PHLDB2: variants seen among roughly 807,000 people sequenced by gnomAD.
PHLDB2 encodes the protein pleckstrin homology-like domain family B member 2.
In PHLDB2, 71 loss-of-function variants were observed where a neutral mutation model predicts 123.6. That is an observed-to-expected ratio of 0.57 (90% CI 0.47 to 0.70). The LOEUF is 0.70. Ranked by LOEUF, PHLDB2 falls within the 30% of genes least tolerant of loss-of-function variation. The pLI, the probability that PHLDB2 is intolerant of heterozygous loss-of-function variation, is 0.00. For missense variants in PHLDB2, 1,446 were observed against 1,519.5 expected (o/e 0.95, Z 0.80); for synonymous variants, 547 against 541.6 (o/e 1.01, Z -0.14).
At chr3:111,775,707 T>C (rs932558710) in intron 1 of PHLDB2, among the ~76,000 whole-genome samples, 1 of 152,214 alleles carries the variant, frequency 6.6e-6, no homozygotes. Context: ...GATAAAATTT[T>C]GGCTTAAAGT....
In PHLDB2 at chr3:111,966,686, C is replaced by T. The variant is rs144852755; in HGVS notation, c.3151C>T (p.Arg1051Trp). The T allele has an allele frequency of 2.0e-5, 32 of 1,612,704 alleles. No homozygotes were observed. In the African/African-American group the frequency reaches 2.8e-4, roughly 14 times the overall value. Reference protein sequence around the residue: ...LLKQAHAEKTRLLESREREME... With the variant: ...LLKQAHAEKTWLLESREREME... ...GAAGCAGGCTCATGCAGAAAAGACGCGGCTGCTCGAATCCAGGGTAAGCTT... is the reference window on the plus strand; with the variant it reads ...GAAGCAGGCTCATGCAGAAAAGACGTGGCTGCTCGAATCCAGGGTAAGCTT... The change falls in exon 14 of 18, where the codon CGG (arginine) becomes TGG (tryptophan). Residue 1051 changes from arginine (R) to tryptophan (W), a missense_variant. By Grantham distance (101) the Arg-to-Trp change is moderately radical (BLOSUM62 -3). This residue lies in a region of PHLDB2 where 594 missense variants were observed against 646.0 expected (regional missense o/e 0.92). Coordinates refer to ENST00000431670, the MANE Select transcript of PHLDB2 (RefSeq NM_001134438.2).
At chr3:111,944,744 G>A (rs1043519726) in intron 8 of PHLDB2, among the ~76,000 whole-genome samples, 1 of 152,032 alleles carries the variant, frequency 6.6e-6, no homozygotes, top group African/African-American at 2.4e-5. Context: ...GCAGTGGCGC[G>A]ATCTCGGCTC....
intron 1 of PHLDB2, among the ~76,000 whole-genome samples, chr3:111,817,432 A>G (rs1210853987): frequency 3.3e-5 from 5 of 152,236 alleles, no homozygotes; most frequent in African/African-American, 4.8e-5. Context: ...GGTATAAAGG[A>G]GAAAGAATAG....
At chr3:111,780,406 G>GA (rs1227402359) in intron 1 of PHLDB2, among the ~76,000 whole-genome samples, 2 of 132,502 alleles carry the variant, frequency 1.5e-5, no homozygotes, top group African/African-American at 5.8e-5. Flanking sequence ...AGAAGAAGAA[G>GA]AAGAAAAAGA....
intron 1 of PHLDB2, among the ~76,000 whole-genome samples, chr3:111,733,743 T>C (rs1941585531): frequency 6.6e-6 from 1 of 152,196 alleles, no homozygotes. Flanking sequence ...TCTAGAAATA[T>C]GTAATTTTTA....
chr3:111,868,569 T>C (rs1316749103), intron 1 of PHLDB2, among the ~76,000 whole-genome samples: 2 of 152,170 alleles, frequency 1.3e-5, no homozygotes, highest in Non-Finnish European at 2.9e-5. Context: ...TTCTCTTCCT[T>C]GTATTTTCTG....
chr3:111,916,357 G>A (rs1270111212), intron 3 of PHLDB2: 1 of 152,172 alleles, frequency 6.6e-6, no homozygotes, highest in Non-Finnish European at 1.5e-5. Context: ...CTTTCTGAAG[G>A]TGGACATATA....
rs1221033657 is a variant in PHLDB2, at chr3:111,884,113, T to C, written c.36T>C (p.Asp12=). Residue 12 remains aspartate (D), a synonymous_variant, in exon 2 of 18, where the codon GAT becomes GAC. Transcript: ENST00000431670. ...EEHSYIQKEL[D]LQNGSLEEDS... ...ATAGCTACATACAAAAGGAGCTAGATTTACAAAATGGTAGCTTAGAGGAAG... is the reference window on the plus strand; with the variant it reads ...ATAGCTACATACAAAAGGAGCTAGACTTACAAAATGGTAGCTTAGAGGAAG... 4 of 1,613,832 alleles carry C rather than the reference T, an allele frequency of 2.5e-6. No individual in the cohort carries two copies. Among genetic ancestry groups the C allele is most frequent in the Non-Finnish European group, 3.4e-6 (4 of 1,179,872 alleles).
chr3:111,941,671 G>A (rs10934127), intron 8 of PHLDB2, among the ~76,000 whole-genome samples: 45,923 of 151,936 alleles, frequency 0.3, 7,448 homozygotes, highest in Middle Eastern at 0.41. Flanking sequence ...AGCTGGGCAT[G>A]GTAGCACACA....
intron 1 of PHLDB2, among the ~76,000 whole-genome samples, chr3:111,742,305 TTA>T (rs967613904): frequency 6.6e-6 from 1 of 151,904 alleles, no homozygotes; most frequent in Non-Finnish European, 1.5e-5. Context: ...CATTGTTCTT[TTA>T]TATATATATA....
At chr3:111,819,381 G>C (rs2062258087) in intron 1 of PHLDB2, among the ~76,000 whole-genome samples, 1 of 152,144 alleles carries the variant, frequency 6.6e-6, no homozygotes, top group African/African-American at 2.4e-5. Context: ...AAAAAGCCAA[G>C]GTAGATAACC....
upstream of PHLDB2, among the ~76,000 whole-genome samples, chr3:111,855,400 TC>T (rs1350648826): frequency 6.8e-6 from 1 of 146,708 alleles, no homozygotes; most frequent in Non-Finnish European, 1.5e-5. Flanking sequence ...AAAGACTCTC[TC>T]TTTCTTCCTT....
At chr3:111,908,766 G>A (rs1029245724) in intron 2 of PHLDB2, among the ~76,000 whole-genome samples, 5 of 152,090 alleles carry the variant, frequency 3.3e-5, no homozygotes, top group African/African-American at 9.7e-5. Context: ...AGACAGACCC[G>A]TATAACAGAC....
chr3:111,936,895 T>C (rs190074327), intron 6 of PHLDB2, among the ~76,000 whole-genome samples: 42 of 152,346 alleles, frequency 2.8e-4, no homozygotes, highest in African/African-American at 1.0e-3. Context: ...AGCCAGTGTA[T>C]TATTTCAAAA....
chr3:111,939,815 C>G (rs886235335), intron 7 of PHLDB2, among the ~76,000 whole-genome samples, 185 bp downstream of exon 7: 2 of 152,160 alleles, frequency 1.3e-5, no homozygotes, highest in Non-Finnish European at 2.9e-5. Context: ...GCTGTAGATG[C>G]ATTTATGAAT....
intron 2 of PHLDB2, among the ~76,000 whole-genome samples, chr3:111,886,085 T>C (rs2066146180): frequency 6.6e-6 from 1 of 152,212 alleles, no homozygotes; most frequent in Admixed American, 6.5e-5. Context: ...GTCTCACCAA[T>C]GAATGAGAAC....
chr3:111,739,573 T>TAAA (rs1231413646), intron 1 of PHLDB2, among the ~76,000 whole-genome samples: 178 of 11,714 alleles, frequency 0.015, 1 homozygote, highest in African/African-American at 0.028. Context: ...CTTCTGAAGT[T>TAAA]AAAAAAAAAA....
intron 1 of PHLDB2, among the ~76,000 whole-genome samples, chr3:111,866,193 A>G (rs1016237293): frequency 7.9e-5 from 12 of 151,102 alleles, no homozygotes; most frequent in African/African-American, 2.7e-4. Flanking sequence ...TAATTTCTGT[A>G]CTTTAATAGT....
chr3:111,945,473 C>T (rs911304340), intron 9 of PHLDB2, 116 bp downstream of exon 9: 5 of 790,370 alleles, frequency 6.3e-6, no homozygotes, highest in East Asian at 2.7e-5. Flanking sequence ...TGTGAAAGCA[C>T]TCAATGCTTG....
Sources: allele counts gnomAD v4.1 joint callset (sites outside exome capture counted in the v4.1 genomes callset), GRCh38; gene constraint gnomAD v4.1.1; regional missense constraint gnomAD v4.1.1; transcripts MANE v1.5; gene names NCBI Gene and HGNC (gene_info 2026-07-23, HGNC 2026-07-21).